CAMK1D: variants seen among roughly 807,000 people sequenced by gnomAD.
CAMK1D encodes calcium/calmodulin-dependent protein kinase type 1D.
In CAMK1D, 9 loss-of-function variants were observed where a neutral mutation model predicts 47.7. The observed-to-expected ratio is 0.19, with a 90% CI of 0.11 to 0.33. CAMK1D has a LOEUF of 0.33. Among genes scored for constraint, CAMK1D ranks in the 10% least tolerant of loss-of-function variants. CAMK1D has a pLI of 1.00. For synonymous variants in CAMK1D, 184 were observed against 184.9 expected (o/e 0.99, Z 0.04); for missense variants, 291 against 488.7 (o/e 0.60, Z 3.81).
At chr10:12,709,547 G>C (rs1376447511) in intron 3 of CAMK1D, among the ~76,000 whole-genome samples, 1 of 152,180 alleles carries the variant, frequency 6.6e-6, no homozygotes, top group Admixed American at 6.5e-5. Context: ...CTAAGAGTCT[G>C]CAAACTCAGA....
chr10:12,491,187 G>A (rs1998964), intron 1 of CAMK1D, among the ~76,000 whole-genome samples: 35,248 of 151,864 alleles, frequency 0.23, 4,779 homozygotes, highest in East Asian at 0.41. Flanking sequence ...GCATGTGTGT[G>A]CAGGTGTTTG....
At chr10:12,478,209 C>T (rs528692361) in intron 1 of CAMK1D, among the ~76,000 whole-genome samples, 16 of 151,850 alleles carry the variant, frequency 1.1e-4, no homozygotes, top group Non-Finnish European at 1.5e-4. Flanking sequence ...GGGGTTTCAC[C>T]GTGTTAGCCA....
intron 2 of CAMK1D, among the ~76,000 whole-genome samples, chr10:12,576,676 A>G (rs1411141538): frequency 1.3e-5 from 2 of 152,256 alleles, no homozygotes; most frequent in Admixed American, 6.5e-5. Context: ...TCATGCTCCT[A>G]TGAGAATCTT....
chr10:12,602,895 G>GTTGTTATTATTATTATTA (rs150080599), intron 2 of CAMK1D, among the ~76,000 whole-genome samples: 20 of 134,408 alleles, frequency 1.5e-4, no homozygotes, highest in African/African-American at 2.5e-4. Context: ...CTAACTGCTT[G>GTTGTTATTATTATTATTA]TTATTATTAT....
chr10:12,396,270 G>A (rs555565903), intron 1 of CAMK1D, among the ~76,000 whole-genome samples: 1 of 152,308 alleles, frequency 6.6e-6, no homozygotes, highest in East Asian at 1.9e-4. Context: ...CTCCTGCTGG[G>A]CGCTGCTGGT....
At chr10:12,595,722 A>G (rs1838129909) in intron 2 of CAMK1D, among the ~76,000 whole-genome samples, 1 of 152,146 alleles carries the variant, frequency 6.6e-6, no homozygotes, top group African/African-American at 2.4e-5. Context: ...GACCACTGCC[A>G]CCTGAGGAAG....
chr10:12,358,898 A>G (rs1274914795), intron 1 of CAMK1D, among the ~76,000 whole-genome samples: 1 of 152,204 alleles, frequency 6.6e-6, no homozygotes, highest in African/African-American at 2.4e-5. Flanking sequence ...CCATTGGGGA[A>G]GAACACGTCA....
At chr10:12,826,903 G>A (rs559365302) in intron 10 of CAMK1D, among the ~76,000 whole-genome samples, 3 of 152,336 alleles carry the variant, frequency 2.0e-5, no homozygotes, top group African/African-American at 7.2e-5. Flanking sequence ...AGCACTCCTT[G>A]TATGGCTGTT....
At chr10:12,658,048 G>A (rs1840168156) in intron 2 of CAMK1D, among the ~76,000 whole-genome samples, 1 of 152,136 alleles carries the variant, frequency 6.6e-6, no homozygotes, top group South Asian at 2.1e-4. Context: ...TACTCGGGAG[G>A]CTGAGAGGAG....
chr10:12,407,686 T>G (rs1370309309), intron 1 of CAMK1D, among the ~76,000 whole-genome samples: 2 of 152,190 alleles, frequency 1.3e-5, no homozygotes, highest in African/African-American at 2.4e-5. Flanking sequence ...GGAGATTTAC[T>G]TTCCCATTTC....
rs560532331 is a variant in CAMK1D, at chr10:12,681,927, A to G, written c.299+15117A>G. On this transcript the variant is annotated intron_variant, in intron 3 of 10. Transcript: ENST00000619168. ...AATGATGAGAGCTTAAATGATGTAT[A>G]AGAGTTAGTTGGCTGGGTGCGGTGG... is the stretch of plus-strand genomic sequence containing the variant. Among the ~76,000 whole-genome samples, 3 of 152,380 alleles carry G rather than the reference A, an allele frequency of 2.0e-5. No individual in the cohort carries two copies. The East Asian group carries it at 5.8e-4, about 29-fold the overall frequency.
At chr10:12,636,210 A>C (rs190832852) in intron 2 of CAMK1D, among the ~76,000 whole-genome samples, 2 of 152,276 alleles carry the variant, frequency 1.3e-5, no homozygotes, top group East Asian at 3.9e-4. Context: ...TCTTGCTAGC[A>C]GGTATGTTTT....
chr10:12,350,027 C>G (rs1837301404), intron 1 of CAMK1D, 117 bp downstream of exon 1: 2 of 409,226 alleles, frequency 4.9e-6, no homozygotes, highest in Non-Finnish European at 8.5e-6. Context: ...ACCGCGTCCT[C>G]ATTGTCCCGT....
At chr10:12,487,639 C>T (rs1387267844) in intron 1 of CAMK1D, among the ~76,000 whole-genome samples, 1 of 152,196 alleles carries the variant, frequency 6.6e-6, no homozygotes, top group Non-Finnish European at 1.5e-5. Context: ...GCCACAGATC[C>T]CAGAAGAAAG....
chr10:12,602,190 A>G (rs1838323689), intron 2 of CAMK1D, among the ~76,000 whole-genome samples: 1 of 152,252 alleles, frequency 6.6e-6, no homozygotes, highest in Non-Finnish European at 1.5e-5. Context: ...AGCCCTGTAT[A>G]AACTCATTTT....
chr10:12,776,762 G>T (rs1256532529), intron 5 of CAMK1D, among the ~76,000 whole-genome samples: 1 of 152,208 alleles, frequency 6.6e-6, no homozygotes, highest in African/African-American at 2.4e-5. Context: ...AAGCTAGACA[G>T]ACTTCAGCAC....
chr10:12,469,241 G>C (rs576627727), intron 1 of CAMK1D, among the ~76,000 whole-genome samples: 179 of 152,218 alleles, frequency 1.2e-3, no homozygotes, highest in Non-Finnish European at 2.1e-3. Flanking sequence ...TTTAGGGAGA[G>C]AAAAGCCACC....
chr10:12,375,698 A>G (rs909874629), intron 1 of CAMK1D, among the ~76,000 whole-genome samples: 1 of 152,098 alleles, frequency 6.6e-6, no homozygotes. Context: ...GCTGAATGCC[A>G]TTACTCTATT....
chr10:12,767,272 G>T (rs1227031739), intron 4 of CAMK1D, among the ~76,000 whole-genome samples: 3 of 152,178 alleles, frequency 2.0e-5, no homozygotes, highest in Non-Finnish European at 4.4e-5. Context: ...GCGCCTCCCA[G>T]GTTCAAGTGA....
Sources: gnomAD v4.1 joint callset for allele counts (sites outside exome capture counted in the v4.1 genomes callset) on GRCh38, gnomAD v4.1.1 for gene constraint, MANE v1.5 for transcripts, NCBI Gene and HGNC (gene_info 2026-07-23, HGNC 2026-07-21) for gene names.